The following FHIP2A variants were observed in gnomAD, a reference collection of about 807,000 sequenced individuals.
FHIP2A encodes family with sequence similarity 160 member B1.
In FHIP2A, 46 loss-of-function variants were observed where a neutral mutation model predicts 93.5. That is an observed-to-expected ratio of 0.49 (90% confidence interval 0.39 to 0.63). The LOEUF is 0.63. Ranked by LOEUF, FHIP2A falls within the 20% of genes least tolerant of loss-of-function variation. The probability of loss-of-function intolerance (pLI) is 0.00; values close to 1 mark genes in which losing one functional copy is unlikely to be tolerated. For missense variants in FHIP2A, 769 were observed against 909.7 expected (o/e 0.85, Z 1.99); for synonymous variants, 332 against 326.5 (o/e 1.02, Z -0.18).
intron 2 of FHIP2A, among the ~76,000 whole-genome samples, chr10:114,832,436 G>A (rs564745432): frequency 2.0e-5 from 3 of 152,178 alleles, no homozygotes. Flanking sequence ...ACAAAGTAAC[G>A]TAGTAGCAAT....
intron 16 of FHIP2A, among the ~76,000 whole-genome samples, chr10:114,886,295 C>T (rs531069391): frequency 3.2e-4 from 49 of 152,002 alleles, no homozygotes; most frequent in African/African-American, 1.1e-3. Context: ...ATGTGGGGGA[C>T]GTGGCTCTTG....
chr10:114,846,312 G>A lies in FHIP2A; in HGVS notation c.1343G>A (p.Ser448Asn), dbSNP rs572388230. ...GAACCAGAAACTCTGGCAGAAATCA[G>A]CAGACATCCTTTAAGGCATAGGTTA... is the stretch of plus-strand genomic sequence containing the variant. The part of the protein sequence containing the change: ...QREPETLAEI[S>N]RHPLRHRLIE... Residue 448 changes from serine to asparagine, a missense_variant, in exon 10 of 17, where the codon AGC becomes AAC. By Grantham distance (46) the Ser-to-Asn change is conservative (BLOSUM62 1). Coordinates refer to ENST00000369248, the MANE Select transcript of FHIP2A (RefSeq NM_020940.4). The A allele has an allele frequency of 5.0e-6, 8 of 1,614,154 alleles. No individual in the cohort carries two copies. In the East Asian group the frequency reaches 1.6e-4, roughly 31 times the overall value.
intron 1 of FHIP2A, among the ~76,000 whole-genome samples, chr10:114,829,818 C>T (rs1047140448): frequency 1.3e-5 from 2 of 152,170 alleles, no homozygotes; most frequent in Non-Finnish European, 2.9e-5. Context: ...AAAGTGTATG[C>T]AAATCTTTTT....
At chr10:114,888,540 G>A (rs1007852283) in intron 16 of FHIP2A, among the ~76,000 whole-genome samples, 4 of 152,222 alleles carry the variant, frequency 2.6e-5, no homozygotes, top group African/African-American at 9.6e-5. Flanking sequence ...TCAAGGTAGA[G>A]AGCGGTGAAG....
chr10:114,898,805 A>G (rs1469159877), intron 16 of FHIP2A, among the ~76,000 whole-genome samples: 1 of 152,208 alleles, frequency 6.6e-6, no homozygotes, highest in East Asian at 1.9e-4. Context: ...ACAGAGAAGC[A>G]CTTAGAAATT....
At chr10:114,846,776 G>C (rs1185065912) in intron 11 of FHIP2A, 48 bp downstream of exon 11, 9 of 1,477,972 alleles carry the variant, frequency 6.1e-6, no homozygotes, top group Non-Finnish European at 8.2e-6. Flanking sequence ...TGTAGAGATA[G>C]AACTTTCTCT....
chr10:114,825,169 C>T (rs942057205), intron 1 of FHIP2A, among the ~76,000 whole-genome samples: 1 of 152,124 alleles, frequency 6.6e-6, no homozygotes, highest in African/African-American at 2.4e-5. Context: ...AGGCCAGCAC[C>T]ACCACACTCA....
At position 114,863,710 on chromosome 10, in the gene FHIP2A, C is replaced by G. The variant is rs1260795444; in HGVS notation, c.*2170C>G. 12 of 1,300,116 alleles carry G rather than the reference C, an allele frequency of 9.2e-6. No individual in the cohort carries two copies. Among genetic ancestry groups the G allele is most frequent in the Admixed American group, 4.7e-5 (2 of 42,540 alleles). 80.5% of individuals were successfully genotyped at this position (1,300,116 alleles called of 1,614,324 possible). On this transcript the variant is annotated 3_prime_UTR_variant, in exon 17 of 17. Transcript: ENST00000369248. ...TTCAATTTGTTAGTGAAACATTGTA[C>G]TGCATCACCAGTTTTTCTTACCTTC...
chr10:114,854,447 G>A (rs1478803611), intron 13 of FHIP2A, among the ~76,000 whole-genome samples: 1 of 151,692 alleles, frequency 6.6e-6, no homozygotes, highest in African/African-American at 2.4e-5. Context: ...AGCCGAGATT[G>A]TGCCATTGCA....
chr10:114,865,220 T>C (rs2083822776), downstream of FHIP2A, among the ~76,000 whole-genome samples: 1 of 152,150 alleles, frequency 6.6e-6, no homozygotes. Context: ...ACCTCTGACC[T>C]CAGGTGATCC....
intron 16 of FHIP2A, among the ~76,000 whole-genome samples, chr10:114,874,313 C>CA: frequency 6.6e-6 from 1 of 152,152 alleles, no homozygotes; most frequent in South Asian, 2.1e-4. Flanking sequence ...AGAAGTTATT[C>CA]AAAATACAGC....
At chr10:114,842,871 A>G (rs1207108906) in intron 5 of FHIP2A, 62 bp from the exon 6 acceptor site, 15 of 1,129,964 alleles carry the variant, frequency 1.3e-5, no homozygotes, top group African/African-American at 1.6e-5. Flanking sequence ...ATCCATTAAA[A>G]TATTATTTTT....
chr10:114,869,553 A>G (rs1407768971), downstream of FHIP2A, among the ~76,000 whole-genome samples: 1 of 152,198 alleles, frequency 6.6e-6, no homozygotes, highest in African/African-American at 2.4e-5. Flanking sequence ...GAAAACACCT[A>G]CTTTTAAAAT....
At chr10:114,890,708 A>C (rs1007595765) in intron 16 of FHIP2A, among the ~76,000 whole-genome samples, 1 of 148,110 alleles carries the variant, frequency 6.8e-6, no homozygotes, top group Admixed American at 6.8e-5. Context: ...TATATACCGT[A>C]TATGACATAT....
Position 114,855,233 on chromosome 10 carries a change from T to C in FHIP2A, c.1840T>C (p.Trp614Arg). ...DYCAICLRWE[W>R]PGSPKALEKC... ...CTGTGCTATCTGCTTAAGATGGGAG[T>C]GGCCTGGGTCTCCAAAAGCATTGGA... The change falls in exon 14 of 17, where the codon TGG (tryptophan) becomes CGG (arginine). Residue 614 changes from tryptophan (W) to arginine (R), a missense_variant. Transcript: ENST00000369248. 6.2e-7 allele frequency: 1 copy of C among 1,613,992 alleles called. No homozygotes were observed. The highest frequency in any genetic ancestry group is 8.5e-7 in the Non-Finnish European group (1 of 1,179,940).
In FHIP2A at chr10:114,821,887, C is replaced by T. The variant is rs2083525622; in HGVS notation, c.-192C>T. The T allele has an allele frequency of 3.4e-6, 1 of 298,218 alleles. No individual in the cohort carries two copies. The highest frequency in any genetic ancestry group is 2.2e-5 in the African/African-American group (1 of 45,150). 18.5% of individuals were successfully genotyped at this position (298,218 alleles called of 1,614,324 possible). A position where few individuals can be genotyped will look rare whatever the true frequency, so the allele number is the denominator to read the frequency against. On this transcript the variant is annotated 5_prime_UTR_variant, in exon 1 of 17. Transcript: ENST00000369248. Reference sequence around the variant, plus strand: ...CCGCCCGCCGCGTCCCGGCGCCCTCCGGAGCCGCCGAGCCGCCCGCGCACA... The same window carrying T: ...CCGCCCGCCGCGTCCCGGCGCCCTCTGGAGCCGCCGAGCCGCCCGCGCACA...
intron 16 of FHIP2A, among the ~76,000 whole-genome samples, chr10:114,884,382 A>G (rs17721283): frequency 0.27 from 40,647 of 152,142 alleles, 6,003 homozygotes; most frequent in Non-Finnish European, 0.35. Flanking sequence ...TTTTGGGGTC[A>G]GACAAAACTG....
rs768392017 is a variant in FHIP2A at position 114,862,985 on chromosome 10, T to C, written c.*1445T>C. ...CACCTATCTGCTCATTTTGTTGTGT[T>C]AGCTTTTCTGGTTTATTTCATAGTT... On this transcript the variant is annotated 3_prime_UTR_variant, in exon 17 of 17. Coordinates refer to ENST00000369248, the MANE Select transcript of FHIP2A (RefSeq NM_020940.4). 1.1e-4 allele frequency: 105 copies of C among 985,336 alleles called. No homozygotes were observed. The highest frequency in any genetic ancestry group is 1.2e-4 in the Non-Finnish European group (102 of 829,928). The allele number at this position is 985,336 out of a possible 1,614,324, so 61.0% of individuals were successfully genotyped here.
chr10:114,846,106 C>G lies in FHIP2A; in HGVS notation c.1205+17C>G, dbSNP rs2083699243. On this transcript the variant is annotated intron_variant, in intron 9 of 16. Transcript: ENST00000369248. The stretch of plus-strand genomic sequence containing the variant: ...AATGCAAACGTGAGTAGCCTGTTTT[C>G]TTTTGAAAAAAACCGCATCACTGTG... 1 of 1,612,632 alleles carries G rather than the reference C, an allele frequency of 6.2e-7. No individual in the cohort carries two copies. Among genetic ancestry groups the G allele is most frequent in the Admixed American group, 1.7e-5 (1 of 59,762 alleles).
Sources: gnomAD v4.1 joint callset for allele counts (sites outside exome capture counted in the v4.1 genomes callset) on GRCh38, gnomAD v4.1.1 for gene constraint, MANE v1.5 for transcripts, NCBI Gene and HGNC (gene_info 2026-07-23, HGNC 2026-07-21) for gene names.